Variants in HECW1 observed in about 807,000 individuals in gnomAD.
HECW1 encodes HECT, C2 and WW domain containing E3 ubiquitin protein ligase 1.
HECW1 carries 61 observed loss-of-function variants against 182.3 expected under a neutral mutation model. That is an observed-to-expected ratio of 0.33 (90% CI 0.27 to 0.41). The LOEUF is 0.41. Ranked by LOEUF, HECW1 falls within the 10% of genes least tolerant of loss-of-function variation. The probability of loss-of-function intolerance (pLI) is 1.00; values close to 1 mark genes in which losing one functional copy is unlikely to be tolerated. For missense variants in HECW1, 1,739 were observed against 2,108.9 expected (o/e 0.82, Z 3.44); for synonymous variants, 859 against 832.6 (o/e 1.03, Z -0.55).
intron 24 of HECW1, chr7:43,522,581 A>ACCTCACCCTC: frequency 6.5e-6 from 1 of 153,752 alleles, no homozygotes; most frequent in East Asian, 1.9e-4. Context: ...CACCTGCCCC[A>ACCTCACCCTC]CAACAGCCAC....
chr7:43,304,014 G>A (rs909570917), intron 3 of HECW1, among the ~76,000 whole-genome samples: 1 of 152,160 alleles, frequency 6.6e-6, no homozygotes, highest in Non-Finnish European at 1.5e-5. Flanking sequence ...CCAGAGAGGT[G>A]GAGCCCTTCT....
intron 6 of HECW1, among the ~76,000 whole-genome samples, chr7:43,366,779 C>T (rs974147130): frequency 6.6e-6 from 1 of 152,054 alleles, no homozygotes; most frequent in African/African-American, 2.4e-5. Flanking sequence ...TCAATTTTAC[C>T]CTTGAAATGT....
At chr7:43,433,982 T>C (rs2076630400) in intron 8 of HECW1, among the ~76,000 whole-genome samples, 1 of 152,136 alleles carries the variant, frequency 6.6e-6, no homozygotes. Flanking sequence ...TGAAGTAAGA[T>C]GCAAAGAGAT....
chr7:43,467,855 G>T (rs1289895421), intron 15 of HECW1, among the ~76,000 whole-genome samples: 5 of 152,174 alleles, frequency 3.3e-5, no homozygotes, highest in Non-Finnish European at 5.9e-5. Context: ...AGTTTGACTG[G>T]GTGATGGAGG....
intron 6 of HECW1, among the ~76,000 whole-genome samples, chr7:43,362,827 AAC>A: frequency 6.6e-6 from 1 of 152,290 alleles, no homozygotes; most frequent in Middle Eastern, 3.4e-3. Flanking sequence ...GCCTCTTGCC[AAC>A]ACACAGCAGT....
chr7:43,274,796 G>A (rs906598539), intron 3 of HECW1, among the ~76,000 whole-genome samples: 1 of 152,188 alleles, frequency 6.6e-6, no homozygotes, highest in Non-Finnish European at 1.5e-5. Flanking sequence ...TGAGTCACAC[G>A]TGAGGACATG....
intron 3 of HECW1, among the ~76,000 whole-genome samples, chr7:43,259,879 A>G (rs1800986699): frequency 6.6e-6 from 1 of 152,184 alleles, no homozygotes; most frequent in African/African-American, 2.4e-5. Flanking sequence ...GAGAGAGAGA[A>G]TGGGCCAGAA....
chr7:43,122,302 G>C (rs955901791), intron 2 of HECW1, among the ~76,000 whole-genome samples: 1 of 152,162 alleles, frequency 6.6e-6, no homozygotes, highest in Non-Finnish European at 1.5e-5. Flanking sequence ...AATAGTGTCA[G>C]ACCGGAGCGA....
chr7:43,164,669 T>G (rs1026391832), intron 2 of HECW1, among the ~76,000 whole-genome samples: 30 of 152,194 alleles, frequency 2.0e-4, no homozygotes, highest in African/African-American at 7.2e-4. Flanking sequence ...TCAGGGCCAC[T>G]GGACTGGACT....
intron 17 of HECW1, among the ~76,000 whole-genome samples, chr7:43,483,547 C>CTTTTTTTTTTTTTT (rs549214390): frequency 8.4e-6 from 1 of 119,046 alleles, no homozygotes; most frequent in South Asian, 3.2e-4. Context: ...CATGCAAACT[C>CTTTTTTTTTTTTTT]TTTTTTTTTT....
chr7:43,445,644 CAA>C, intron 11 of HECW1, 74 bp downstream of exon 11: 2 of 1,455,478 alleles, frequency 1.4e-6, no homozygotes, highest in Non-Finnish European at 1.8e-6. Flanking sequence ...AGTTTAAAAA[CAA>C]GAAGGGCGGG....
rs752882438 is a variant in HECW1 at position 43,450,814 on chromosome 7, T to C, written c.2399-14T>C. The C allele has an allele frequency of 6.5e-7, 1 of 1,527,068 alleles. No individual in the cohort carries two copies. The highest frequency in any genetic ancestry group is 9.1e-7 in the Non-Finnish European group (1 of 1,101,040). 94.6% of individuals were successfully genotyped at this position (1,527,068 alleles called of 1,614,324 possible). A position where few individuals can be genotyped will look rare whatever the true frequency, so the allele number is the denominator to read the frequency against. ...AGTGAATGAATCTGAATGTATTGACTATCTTGTCCGTAGGTGAATGTCCTA... is the reference window on the plus strand; with the variant it reads ...AGTGAATGAATCTGAATGTATTGACCATCTTGTCCGTAGGTGAATGTCCTA... On this transcript the variant is annotated splice_polypyrimidine_tract_variant and intron_variant, in intron 11 of 29. Coordinates refer to ENST00000395891, the MANE Select transcript of HECW1 (RefSeq NM_015052.5).
intron 4 of HECW1, among the ~76,000 whole-genome samples, chr7:43,315,315 G>A (rs1236453574): frequency 2.6e-5 from 4 of 152,086 alleles, no homozygotes; most frequent in African/African-American, 9.7e-5. Context: ...GGCCACAGAA[G>A]GGGAGAAAGT....
chr7:43,383,363 CT>C (rs1368512042), intron 6 of HECW1, among the ~76,000 whole-genome samples: 10 of 152,230 alleles, frequency 6.6e-5, no homozygotes, highest in Non-Finnish European at 1.3e-4. Context: ...GCCACACTGT[CT>C]TCCACAATGG....
rs1181770449 is a variant in HECW1 at position 43,312,897 on chromosome 7, C to A, written c.352+810C>A. Among the ~76,000 whole-genome samples the A allele has an allele frequency of 2.6e-5, 4 of 152,230 alleles. No homozygotes were observed. The East Asian group carries it at 7.7e-4, about 29-fold the overall frequency. ...TCGAGTTATAATTGCTGGAAGGCCA[C>A]AAGAGTCAACAGATTCAACACCGGG... is the stretch of plus-strand genomic sequence containing the variant. On this transcript the variant is annotated intron_variant, in intron 4 of 29. Transcript: ENST00000395891.
intron 13 of HECW1, among the ~76,000 whole-genome samples, chr7:43,457,043 T>C (rs2077424430): frequency 6.6e-6 from 1 of 152,234 alleles, no homozygotes; most frequent in Admixed American, 6.5e-5. Flanking sequence ...TTTACAAGCA[T>C]TTTTTGAGAA....
chr7:43,324,040 A>AT (rs1446155249), intron 5 of HECW1, among the ~76,000 whole-genome samples: 5 of 111,516 alleles, frequency 4.5e-5, no homozygotes, highest in African/African-American at 3.6e-4. Context: ...ATCTCAAAAA[A>AT]GAAAAAAAAA....
chr7:43,319,198 T>A (rs867771750), intron 4 of HECW1, among the ~76,000 whole-genome samples: 176 of 151,418 alleles, frequency 1.2e-3, no homozygotes, highest in African/African-American at 4.0e-3. Context: ...CCATCCTGGG[T>A]AACACGGTGA....
chr7:43,448,289 C>A (rs1408064172), intron 11 of HECW1, among the ~76,000 whole-genome samples: 2 of 152,210 alleles, frequency 1.3e-5, no homozygotes, highest in African/African-American at 4.8e-5. Context: ...TCTTTTCATA[C>A]TTTTTGCTTT....
Sources: gnomAD v4.1 joint callset for allele counts (sites outside exome capture counted in the v4.1 genomes callset) on GRCh38, gnomAD v4.1.1 for gene constraint, MANE v1.5 for transcripts, NCBI Gene and HGNC (gene_info 2026-07-23, HGNC 2026-07-21) for gene names.